MYO1D: variants seen among roughly 807,000 people sequenced by gnomAD.
The protein encoded by MYO1D is unconventional myosin-Id.
In MYO1D, 83 loss-of-function variants were observed where a neutral mutation model predicts 122.0. The ratio of observed to expected loss-of-function variants is 0.68; its 90% CI spans 0.57 to 0.82. The LOEUF (loss-of-function observed/expected upper bound fraction) is 0.82. MYO1D is among the 40% of genes least tolerant of loss of function. MYO1D has a pLI of 0.00. For synonymous variants in MYO1D, 464 were observed against 446.9 expected (o/e 1.04, Z -0.48); for missense variants, 1,157 against 1,269.5 (o/e 0.91, Z 1.35).
At chr17:32,770,402 GAATA>G (rs1008106009) in intron 6 of MYO1D, among the ~76,000 whole-genome samples, 8 of 151,800 alleles carry the variant, frequency 5.3e-5, no homozygotes, top group Admixed American at 2.6e-4. Flanking sequence ...CACCCATCTA[GAATA>G]AATAATTAAT....
chr17:32,870,436 C>T (rs1024279693), intron 1 of MYO1D, among the ~76,000 whole-genome samples: 2 of 151,922 alleles, frequency 1.3e-5, no homozygotes, highest in Non-Finnish European at 2.9e-5. Context: ...CTTTGTCCCA[C>T]CAAATTTTCC....
At chr17:32,618,536 A>G (rs559718116) in intron 20 of MYO1D, among the ~76,000 whole-genome samples, 1 of 152,212 alleles carries the variant, frequency 6.6e-6, no homozygotes, top group Non-Finnish European at 1.5e-5. Context: ...TTCTCATCAC[A>G]GTGGATTTGG....
chr17:32,683,216 A>T (rs916461602), intron 16 of MYO1D, among the ~76,000 whole-genome samples: 1 of 151,044 alleles, frequency 6.6e-6, no homozygotes, highest in Non-Finnish European at 1.5e-5. Flanking sequence ...AGCTTAGAGT[A>T]ATTTGATCGT....
At position 32,653,936 on chromosome 17, in the gene MYO1D, T is replaced by C. The variant is rs775219539; in HGVS notation, c.2502A>G (p.Thr834=). 1.9e-6 allele frequency: 3 copies of C among 1,611,110 alleles called. No homozygotes were observed. The highest frequency in any genetic ancestry group is 1.7e-5 in the Admixed American group (1 of 59,238). Residue 834 remains threonine, a synonymous_variant, in exon 19 of 22, where the codon ACA becomes ACG. Transcript: ENST00000318217. ...EGNYLASKPD[T]PQTSGTFVPV... ...GGACAAAAGTGCCTGAGGTCTGAGG[T>C]GTATCTGGCTTCTGAAAGAGAAAGG...
chr17:32,731,781 T>C (rs568528168), intron 14 of MYO1D, among the ~76,000 whole-genome samples: 30 of 152,254 alleles, frequency 2.0e-4, no homozygotes, highest in African/African-American at 6.7e-4. Context: ...CCAGCTACGG[T>C]GCAGGACCCA....
In MYO1D at chr17:32,607,927, G is replaced by C. The variant is rs114060443; in HGVS notation, c.2710-2686C>G. On this transcript the variant is annotated intron_variant, in intron 20 of 21. Transcript: ENST00000318217. ...GCATCTGGATAACTTGGAACATTTG[G>C]ACACCCCCATGCAAACGGAAATAAA... Among the ~76,000 whole-genome samples the C allele has an allele frequency of 5.8e-3, 886 of 152,250 alleles. 6 individuals carry two copies. Among genetic ancestry groups the C allele is most frequent in the African/African-American group, 0.02 (842 of 41,534 alleles).
intron 21 of MYO1D, among the ~76,000 whole-genome samples, chr17:32,597,354 A>G (rs1032522627): frequency 6.6e-6 from 1 of 152,174 alleles, no homozygotes; most frequent in Non-Finnish European, 1.5e-5. Context: ...TTTCCTGAAT[A>G]TCTTCCCAGA....
At chr17:32,746,083 G>A (rs974253009) in intron 12 of MYO1D, among the ~76,000 whole-genome samples, 1 of 152,208 alleles carries the variant, frequency 6.6e-6, no homozygotes, top group East Asian at 1.9e-4. Context: ...TTGACAATCA[G>A]ATCAGTATAA....
chr17:32,540,743 T>C (rs1268834704), intron 21 of MYO1D, among the ~76,000 whole-genome samples: 4 of 151,882 alleles, frequency 2.6e-5, no homozygotes, highest in Admixed American at 6.6e-5. Context: ...CTGGACAACA[T>C]GGTGAAACCC....
intron 16 of MYO1D, among the ~76,000 whole-genome samples, chr17:32,677,580 A>AATATATATATATATATAT (rs10523328): frequency 7.4e-6 from 1 of 135,880 alleles, no homozygotes; most frequent in African/African-American, 2.8e-5. Context: ...TAGATAGATA[A>AATATATATATATATATAT]ATATATATAT....
chr17:32,621,868 C>G (rs561522283), intron 20 of MYO1D, among the ~76,000 whole-genome samples: 1 of 152,340 alleles, frequency 6.6e-6, no homozygotes, highest in Non-Finnish European at 1.5e-5. Flanking sequence ...TTCCTCCTCT[C>G]TTCCCCATGT....
At chr17:32,744,489 AT>A (rs975444591) in intron 13 of MYO1D, among the ~76,000 whole-genome samples, 23 of 151,996 alleles carry the variant, frequency 1.5e-4, no homozygotes, top group Non-Finnish European at 3.2e-4. Context: ...CTTTGCCTAC[AT>A]TTTTTCACAG....
intron 1 of MYO1D, among the ~76,000 whole-genome samples, chr17:32,845,424 G>A (rs2466832): frequency 0.41 from 62,097 of 151,994 alleles, 13,005 homozygotes; most frequent in East Asian, 0.54. Flanking sequence ...AAAAGATAGA[G>A]TGCCATAATA....
At chr17:32,554,009 A>T (rs1474151378) in intron 21 of MYO1D, among the ~76,000 whole-genome samples, 1 of 151,990 alleles carries the variant, frequency 6.6e-6, no homozygotes, top group Non-Finnish European at 1.5e-5. Context: ...TGCCTCCCAT[A>T]GTTGTTATGG....
chr17:32,649,460 T>C (rs2088353574), intron 19 of MYO1D, among the ~76,000 whole-genome samples: 1 of 152,176 alleles, frequency 6.6e-6, no homozygotes, highest in South Asian at 2.1e-4. Context: ...TATTTATCCA[T>C]GTGTATCTGG....
chr17:32,863,134 T>G (rs1418792337), intron 1 of MYO1D: 4 of 152,178 alleles, frequency 2.6e-5, no homozygotes, highest in Non-Finnish European at 5.9e-5. Flanking sequence ...AGCAGCTGCC[T>G]ACCACAAGTC....
rs1289292392 is a variant in MYO1D at position 32,760,338 on chromosome 17, C to G, written c.1248G>C (p.Leu416=). The G allele has an allele frequency of 1.2e-6, 2 of 1,612,748 alleles. No homozygotes were observed. Among genetic ancestry groups the G allele is most frequent in the Non-Finnish European group, 1.7e-6 (2 of 1,178,998 alleles). Residue 416 remains leucine (L), a synonymous_variant, in exon 10 of 22, where the codon CTG becomes CTC. Coordinates refer to ENST00000318217, the MANE Select transcript of MYO1D (RefSeq NM_015194.3). ...KLQQLFIQLV[L]KQEQEEYQRE... ...GCTGGTATTCCTCTTGTTCTTGCTT[C>G]AGAACCAGCTGAATAAATAGCTGCT...
At chr17:32,653,607 CAAAAAA>C (rs35172819) in intron 19 of MYO1D, among the ~76,000 whole-genome samples, 3 of 99,978 alleles carry the variant, frequency 3.0e-5, no homozygotes, top group Admixed American at 1.1e-4. Flanking sequence ...ACTCCGTCTC[CAAAAAA>C]AAAAAAAAAA....
At chr17:32,786,745 AG>A (rs902069995) in intron 1 of MYO1D, among the ~76,000 whole-genome samples, 3 of 152,108 alleles carry the variant, frequency 2.0e-5, no homozygotes, top group African/African-American at 7.2e-5. Flanking sequence ...TCTTGAACCC[AG>A]GGGGCAGAGG....
Sources: allele counts gnomAD v4.1 joint callset (sites outside exome capture counted in the v4.1 genomes callset), GRCh38; gene constraint gnomAD v4.1.1; transcripts MANE v1.5; gene names NCBI Gene and HGNC (gene_info 2026-07-23, HGNC 2026-07-21).